ST6GALNAC3: variants seen among roughly 807,000 people sequenced by gnomAD.
ST6GALNAC3 encodes the protein alpha-N-acetylgalactosaminide alpha-2,6-sialyltransferase 3.
A neutral mutation model predicts 32.7 loss-of-function variants in ST6GALNAC3; 25 were observed. The observed-to-expected ratio is 0.76, with a 90% confidence interval of 0.56 to 1.07. ST6GALNAC3 has a LOEUF of 1.07. ST6GALNAC3 is among the 50% of genes least tolerant of loss of function. The pLI, the probability that ST6GALNAC3 is intolerant of heterozygous loss-of-function variation, is 0.00. For synonymous variants in ST6GALNAC3, 129 were observed against 133.1 expected (o/e 0.97, Z 0.21); for missense variants, 355 against 382.4 (o/e 0.93, Z 0.60).
chr1:76,285,405 T>TGTGTGTGTGTGTGTGTAC (rs1659720372), intron 1 of ST6GALNAC3, among the ~76,000 whole-genome samples: 1 of 151,936 alleles, frequency 6.6e-6, no homozygotes, highest in Admixed American at 6.6e-5. Flanking sequence ...TGTGTGTGTG[T>TGTGTGTGTGTGTGTGTAC]GTGTGTACAT....
intron 3 of ST6GALNAC3, among the ~76,000 whole-genome samples, chr1:76,421,757 T>C (rs1480877741): frequency 6.6e-6 from 1 of 152,032 alleles, no homozygotes; most frequent in Non-Finnish European, 1.5e-5. Flanking sequence ...TTCAACCAAC[T>C]GCATAAATGA....
chr1:76,503,695 T>G (rs1187681014), intron 3 of ST6GALNAC3, among the ~76,000 whole-genome samples: 1 of 152,220 alleles, frequency 6.6e-6, no homozygotes, highest in Non-Finnish European at 1.5e-5. Flanking sequence ...GCTCTAAACA[T>G]TCTGTTCATT....
intron 1 of ST6GALNAC3, among the ~76,000 whole-genome samples, chr1:76,230,475 T>A (rs183836935): frequency 3.4e-4 from 52 of 152,328 alleles, no homozygotes; most frequent in Non-Finnish European, 6.8e-4. Context: ...TAGCTGAGTT[T>A]TTAGGGTCCT....
At chr1:76,103,106 G>GT (rs1158505318) in intron 1 of ST6GALNAC3, among the ~76,000 whole-genome samples, 2,459 of 136,072 alleles carry the variant, frequency 0.018, 21 homozygotes, top group Non-Finnish European at 0.026. Context: ...CTGATTTTTA[G>GT]TTTTTTTTTT....
chr1:76,088,761 C>T (rs1646998774), intron 1 of ST6GALNAC3, among the ~76,000 whole-genome samples: 1 of 152,208 alleles, frequency 6.6e-6, no homozygotes, highest in African/African-American at 2.4e-5. Context: ...AACTGTTTTG[C>T]TTATCGCTGT....
intron 3 of ST6GALNAC3, among the ~76,000 whole-genome samples, chr1:76,475,462 T>C (rs1317402200): frequency 6.6e-6 from 1 of 152,194 alleles, no homozygotes; most frequent in Non-Finnish European, 1.5e-5. Flanking sequence ...GTGGTAACTA[T>C]AGTCATTGGA....
At chr1:76,512,939 T>G (rs1661958062) in intron 3 of ST6GALNAC3, among the ~76,000 whole-genome samples, 1 of 151,730 alleles carries the variant, frequency 6.6e-6, no homozygotes, top group Non-Finnish European at 1.5e-5. Flanking sequence ...TATTGGCCAT[T>G]TGTGTGTCTC....
intron 1 of ST6GALNAC3, among the ~76,000 whole-genome samples, chr1:76,112,558 G>C (rs1471192529): frequency 6.6e-6 from 1 of 150,696 alleles, no homozygotes; most frequent in Non-Finnish European, 1.5e-5. Context: ...GCTGCCGGGC[G>C]GAGACGCTCC....
chr1:76,531,973 C>G (rs1181997928), intron 3 of ST6GALNAC3, among the ~76,000 whole-genome samples: 3 of 152,186 alleles, frequency 2.0e-5, no homozygotes, highest in Non-Finnish European at 4.4e-5. Flanking sequence ...CCAAACACAG[C>G]TGCACAGTAA....
At position 76,628,388 on chromosome 1, in the gene ST6GALNAC3, A is replaced by C. The variant is rs41291520; in HGVS notation, c.732-232A>C. On this transcript the variant is annotated intron_variant, in intron 4 of 4. Transcript: ENST00000328299. ...TTTCAAAAGATAGCCATATGTTTGA[A>C]TGTAATTGGCATGATATATAAATTT... is the stretch of plus-strand genomic sequence containing the variant. 5.4e-4 allele frequency among the ~76,000 whole-genome samples: 82 copies of C among 152,128 alleles called. 1 individual carries two copies. Among genetic ancestry groups the C allele is most frequent in the Non-Finnish European group, 8.7e-4 (59 of 67,924 alleles).
chr1:76,276,326 G>A (rs1659132890), intron 1 of ST6GALNAC3, among the ~76,000 whole-genome samples: 1 of 151,892 alleles, frequency 6.6e-6, no homozygotes, highest in African/African-American at 2.4e-5. Context: ...TCAATATTTT[G>A]CTTTCCTGTA....
chr1:76,227,034 G>A (rs963405792), intron 1 of ST6GALNAC3, among the ~76,000 whole-genome samples: 2 of 152,200 alleles, frequency 1.3e-5, no homozygotes, highest in African/African-American at 4.8e-5. Context: ...TGTTGTTGTT[G>A]CTGCTGTTTT....
At chr1:76,459,609 G>A (rs1658140618) in intron 3 of ST6GALNAC3, among the ~76,000 whole-genome samples, 1 of 151,920 alleles carries the variant, frequency 6.6e-6, no homozygotes, top group Non-Finnish European at 1.5e-5. Flanking sequence ...TGTTGAGGGA[G>A]TAGCTTATTA....
rs138606390 is a variant in ST6GALNAC3, at chr1:76,242,928, T to C, written c.19-70877T>C. Among the ~76,000 whole-genome samples the C allele has an allele frequency of 3.1e-3, 465 of 152,346 alleles. 3 individuals carry two copies. The highest frequency in any genetic ancestry group is 0.011 in the African/African-American group (450 of 41,574). Reference sequence around the variant, plus strand: ...TGCAATAAGCATACGTGTGCATATGTCTTTATAGTAGAATGATTTATAAAT... The same window carrying C: ...TGCAATAAGCATACGTGTGCATATGCCTTTATAGTAGAATGATTTATAAAT... On this transcript the variant is annotated intron_variant, in intron 1 of 4. Transcript: ENST00000328299.
intron 2 of ST6GALNAC3, among the ~76,000 whole-genome samples, chr1:76,347,513 C>A (rs934879990): frequency 6.6e-6 from 1 of 151,254 alleles, no homozygotes; most frequent in East Asian, 1.9e-4. Flanking sequence ...TATATATATA[C>A]CAAAATACAA....
intron 1 of ST6GALNAC3, among the ~76,000 whole-genome samples, chr1:76,099,582 C>T (rs942514769): frequency 6.6e-6 from 1 of 151,776 alleles, no homozygotes; most frequent in African/African-American, 2.4e-5. Context: ...TGAAAGAGTA[C>T]GTAATACGTG....
intron 3 of ST6GALNAC3, among the ~76,000 whole-genome samples, chr1:76,615,163 A>G (rs984453189): frequency 2.0e-5 from 3 of 152,184 alleles, no homozygotes; most frequent in South Asian, 2.1e-4. Flanking sequence ...AGTGGTCAAC[A>G]TCACTCATCA....
intron 1 of ST6GALNAC3, among the ~76,000 whole-genome samples, chr1:76,202,968 T>A (rs1012634596): frequency 1.3e-5 from 2 of 152,176 alleles, no homozygotes; most frequent in Non-Finnish European, 2.9e-5. Flanking sequence ...ACCTTTAACA[T>A]ATAATTCAAG....
At chr1:76,398,625 C>A (rs1653169990) in intron 2 of ST6GALNAC3, among the ~76,000 whole-genome samples, 1 of 152,038 alleles carries the variant, frequency 6.6e-6, no homozygotes, top group African/African-American at 2.4e-5. Context: ...ACACAAGTAT[C>A]ATAAAAATTT....
Sources: allele counts gnomAD v4.1 joint callset (sites outside exome capture counted in the v4.1 genomes callset), GRCh38; gene constraint gnomAD v4.1.1; transcripts MANE v1.5; gene names NCBI Gene and HGNC (gene_info 2026-07-23, HGNC 2026-07-21).